PDE11A: variants seen among roughly 807,000 people sequenced by gnomAD.
PDE11A encodes the protein dual 3',5'-cyclic-AMP and -GMP phosphodiesterase 11A.
A neutral mutation model predicts 100.5 loss-of-function variants in PDE11A; 100 were observed. The ratio of observed to expected loss-of-function variants is 1.00; its 90% CI spans 0.85 to 1.18. The LOEUF is 1.18. PDE11A is among the 50% of genes most tolerant of loss of function. The probability of loss-of-function intolerance (pLI) is 0.00; values close to 1 mark genes in which losing one functional copy is unlikely to be tolerated. For synonymous variants in PDE11A, 381 were observed against 420.8 expected, an observed-to-expected ratio of 0.91 and a Z score of 1.16; for missense variants, 1,141 against 1,152.6, an observed-to-expected ratio of 0.99 and a Z score of 0.15.
chr2:177,940,847 T>G (rs960188199), intron 2 of PDE11A, among the ~76,000 whole-genome samples: 1 of 152,206 alleles, frequency 6.6e-6, no homozygotes, highest in Non-Finnish European at 1.5e-5. Flanking sequence ...CTAGAAGAAA[T>G]GGTGCTTCAT....
At chr2:177,878,627 T>A (rs2084279050) in intron 4 of PDE11A, among the ~76,000 whole-genome samples, 1 of 152,142 alleles carries the variant, frequency 6.6e-6, no homozygotes, top group South Asian at 2.1e-4. Flanking sequence ...AGAAGGTAGA[T>A]TTTATCCTCA....
chr2:177,763,492 C>T (rs1366881791), intron 10 of PDE11A, among the ~76,000 whole-genome samples: 1 of 152,188 alleles, frequency 6.6e-6, no homozygotes, highest in Non-Finnish European at 1.5e-5. Flanking sequence ...AGACAAAGCT[C>T]CTGCCCTCTT....
Position 177,763,693 on chromosome 2 carries a change from T to A in PDE11A, c.1788+5630A>T, listed in dbSNP as rs577773559. On this transcript the variant is annotated intron_variant, in intron 10 of 19. Coordinates refer to ENST00000286063, the MANE Select transcript of PDE11A (RefSeq NM_016953.4). The stretch of plus-strand genomic sequence containing the variant: ...CCTCTTCGGCGTTCTCTGTGTCGCC[T>A]GAGTTTGGGTAAATGCCATGGTGTT... Among the ~76,000 whole-genome samples, 4 of 152,290 alleles carry A rather than the reference T, an allele frequency of 2.6e-5. No homozygotes were observed. In the East Asian group the frequency reaches 7.7e-4, roughly 29 times the overall value.
intron 2 of PDE11A, among the ~76,000 whole-genome samples, chr2:178,103,449 T>C (rs549750434): frequency 2.0e-5 from 3 of 152,226 alleles, no homozygotes; most frequent in Admixed American, 6.5e-5. Context: ...GCGGTGATTT[T>C]ACAGCATTAT....
rs140072159 is a variant in PDE11A at position 178,028,460 on chromosome 2, C to T, written c.913-14000G>A. ...TGTAAATAATCTGGATAAATACAAG[C>T]GTGCCTTTTCCTTAAATAAAGCACC... On this transcript the variant is annotated intron_variant, in intron 1 of 19. Coordinates refer to ENST00000286063, the MANE Select transcript of PDE11A (RefSeq NM_016953.4). Among the ~76,000 whole-genome samples, 1,361 of 152,244 alleles carry T rather than the reference C, an allele frequency of 8.9e-3. 20 individuals carry two copies. Among genetic ancestry groups the T allele is most frequent in the South Asian group, 0.032 (155 of 4,822 alleles).
At chr2:177,661,533 G>A (rs1477556264) in intron 19 of PDE11A, among the ~76,000 whole-genome samples, 1 of 152,136 alleles carries the variant, frequency 6.6e-6, no homozygotes, top group Non-Finnish European at 1.5e-5. Flanking sequence ...AGGGAAGGGA[G>A]AACACTGCAT....
At chr2:177,824,596 A>G (rs543465480) in intron 6 of PDE11A, among the ~76,000 whole-genome samples, 1 of 152,320 alleles carries the variant, frequency 6.6e-6, no homozygotes, top group South Asian at 2.1e-4. Flanking sequence ...TGACCTATCA[A>G]TTTCATATCT....
intron 19 of PDE11A, among the ~76,000 whole-genome samples, chr2:177,646,420 T>C (rs923728286): frequency 6.6e-6 from 1 of 152,226 alleles, no homozygotes; most frequent in African/African-American, 2.4e-5. Flanking sequence ...GTTCTTCATA[T>C]GTGACCTGAT....
chr2:177,972,046 T>C (rs974538001), intron 2 of PDE11A, among the ~76,000 whole-genome samples: 6 of 152,198 alleles, frequency 3.9e-5, no homozygotes, highest in African/African-American at 1.2e-4. Context: ...ATGAAAGTGA[T>C]ACCAGCAGTA....
At chr2:178,085,550 AT>A (rs1228060825) in intron 2 of PDE11A, among the ~76,000 whole-genome samples, 6 of 151,184 alleles carry the variant, frequency 4.0e-5, no homozygotes, top group African/African-American at 7.3e-5. Flanking sequence ...AAAAAAAAAA[AT>A]AAACCTAAAG....
chr2:177,659,569 A>G (rs976389845), intron 19 of PDE11A, among the ~76,000 whole-genome samples: 1 of 152,218 alleles, frequency 6.6e-6, no homozygotes, highest in Admixed American at 6.5e-5. Context: ...AGTTCTTAAC[A>G]AACAAAAGAT....
At chr2:177,695,397 A>T (rs1414463237) in intron 15 of PDE11A, among the ~76,000 whole-genome samples, 2 of 152,168 alleles carry the variant, frequency 1.3e-5, no homozygotes, top group Non-Finnish European at 2.9e-5. Context: ...TATGTCCCAA[A>T]TGTTTCATGG....
intron 13 of PDE11A, among the ~76,000 whole-genome samples, chr2:177,710,448 T>C (rs2081344116): frequency 1.3e-5 from 2 of 152,140 alleles, no homozygotes. Context: ...TGGGGCTGGC[T>C]AGGGACACAG....
At chr2:177,900,545 C>T (rs2084679665) in intron 3 of PDE11A, among the ~76,000 whole-genome samples, 1 of 152,192 alleles carries the variant, frequency 6.6e-6, no homozygotes, top group Non-Finnish European at 1.5e-5. Flanking sequence ...CACATGAGGC[C>T]ATGAGTTCTA....
At chr2:177,946,020 A>C (rs1461866861) in intron 2 of PDE11A, among the ~76,000 whole-genome samples, 10 of 101,066 alleles carry the variant, frequency 9.9e-5, no homozygotes, top group East Asian at 3.4e-4. Flanking sequence ...CAGCCCCCCC[A>C]CCCGGCCAGC....
At chr2:177,714,650 G>A (rs2081409624) in intron 12 of PDE11A, among the ~76,000 whole-genome samples, 1 of 152,194 alleles carries the variant, frequency 6.6e-6, no homozygotes, top group Non-Finnish European at 1.5e-5. Context: ...GATCCACAGA[G>A]CTTTCCTATA....
chr2:177,940,513 G>T (rs968060699), intron 2 of PDE11A, among the ~76,000 whole-genome samples: 5 of 152,168 alleles, frequency 3.3e-5, no homozygotes, highest in Non-Finnish European at 5.9e-5. Context: ...TTGAAGGAAG[G>T]ATGCAAGTCC....
intron 10 of PDE11A, among the ~76,000 whole-genome samples, chr2:177,729,437 C>T (rs1559163558): frequency 6.6e-6 from 1 of 152,162 alleles, no homozygotes; most frequent in African/African-American, 2.4e-5. Context: ...TTCTCTCTTT[C>T]TTTTGTTTCT....
intron 2 of PDE11A, among the ~76,000 whole-genome samples, chr2:177,985,521 A>G (rs2085929887): frequency 6.6e-6 from 1 of 152,198 alleles, no homozygotes; most frequent in African/African-American, 2.4e-5. Flanking sequence ...AGTAAGGGAT[A>G]ATATTCTCTT....
Sources: allele counts gnomAD v4.1 joint callset (sites outside exome capture counted in the v4.1 genomes callset), GRCh38; gene constraint gnomAD v4.1.1; transcripts MANE v1.5; gene names NCBI Gene and HGNC (gene_info 2026-07-23, HGNC 2026-07-21).